Variants in KCNQ1 observed in about 807,000 individuals in gnomAD.
The protein encoded by KCNQ1 is potassium voltage-gated channel subfamily KQT member 1.
A neutral mutation model predicts 72.4 loss-of-function variants in KCNQ1; 49 were observed. The ratio of observed to expected loss-of-function variants is 0.68; its 90% CI spans 0.54 to 0.86. The LOEUF is 0.86. Among genes scored for constraint, KCNQ1 ranks in the 40% least tolerant of loss-of-function variants. The pLI, the probability that KCNQ1 is intolerant of heterozygous loss-of-function variation, is 0.00. For missense variants in KCNQ1, 790 were observed against 945.1 expected (o/e 0.84, Z 2.15); for synonymous variants, 450 against 412.6 (o/e 1.09, Z -1.10).
intron 11 of KCNQ1, chr11:2,694,778 T>C (rs917016340): frequency 5.0e-6 from 2 of 398,158 alleles, no homozygotes; most frequent in Non-Finnish European, 8.8e-6. Context: ...GCCTGTGCTT[T>C]GCAGAGACTC....
chr11:2,665,818 T>C (rs1168177563), intron 11 of KCNQ1: 13 of 398,396 alleles, frequency 3.3e-5, no homozygotes, highest in South Asian at 1.3e-4. Context: ...GCAGACACAT[T>C]GTGCCAGTGC....
intron 11 of KCNQ1, among the ~76,000 whole-genome samples, chr11:2,754,903 G>A (rs1846276559): frequency 6.6e-6 from 1 of 152,172 alleles, no homozygotes; most frequent in Admixed American, 6.5e-5. Context: ...CTTAAAGAAC[G>A]TGACAAGTTG....
chr11:2,517,096 G>A (rs368323462), intron 1 of KCNQ1, among the ~76,000 whole-genome samples: 1 of 152,298 alleles, frequency 6.6e-6, no homozygotes, highest in South Asian at 2.1e-4. Context: ...AGGTGTGGTC[G>A]AGGGCCCTGG....
intron 10 of KCNQ1, chr11:2,619,822 C>T (rs1297147402): frequency 2.5e-6 from 1 of 397,130 alleles, no homozygotes; most frequent in Non-Finnish European, 4.4e-6. Context: ...GCTATCTGGT[C>T]CTGGGCTTTT....
Position 2,549,201 on chromosome 11 carries a change from G to A in KCNQ1, c.477+21183G>A, listed in dbSNP as rs564624579. Reference sequence around the variant, plus strand: ...CCATGTGGCTTTAGGTCCCCAGCACGTGCTAGTGGCCATCAGCAGGCTACA... The same window carrying A: ...CCATGTGGCTTTAGGTCCCCAGCACATGCTAGTGGCCATCAGCAGGCTACA... On this transcript the variant is annotated intron_variant, in intron 2 of 15. Transcript: ENST00000155840. This position sits in a 1 kb window ranked among gnomAD's most constrained non-coding sequence, Gnocchi z 6.2. 3.6e-4 allele frequency among the ~76,000 whole-genome samples: 55 copies of A among 152,284 alleles called. No individual in the cohort carries two copies. Among genetic ancestry groups the A allele is most frequent in the African/African-American group, 7.2e-4 (30 of 41,566 alleles).
intron 1 of KCNQ1, among the ~76,000 whole-genome samples, chr11:2,480,157 G>T (rs1265645930): frequency 2.0e-5 from 3 of 152,094 alleles, no homozygotes; most frequent in Admixed American, 6.5e-5. Flanking sequence ...ACATTTTCTT[G>T]TCATCTTCTG....
rs534463312 is a variant in KCNQ1, at chr11:2,463,024, G to A, written c.386+17540G>A. ...GTAAGCGGGGCAGCGGCGGCAGGGG[G>A]CCCAGGGAAGTGGGGCCAGTCGGGG... On this transcript the variant is annotated intron_variant, in intron 1 of 15. Coordinates refer to ENST00000155840, the MANE Select transcript of KCNQ1 (RefSeq NM_000218.3). The surrounding 1 kb of genome is among the most constrained non-coding windows in gnomAD (Gnocchi z 7.0). 6.6e-6 allele frequency among the ~76,000 whole-genome samples: 1 copy of A among 152,158 alleles called. No homozygotes were observed. The highest frequency in any genetic ancestry group is 1.5e-5 in the Non-Finnish European group (1 of 68,026).
In KCNQ1 at chr11:2,712,627, C is replaced by A. The variant is rs1432295955; in HGVS notation, c.1514+50546C>A. 6.6e-6 allele frequency among the ~76,000 whole-genome samples: 1 copy of A among 152,184 alleles called. No individual in the cohort carries two copies. The highest frequency in any genetic ancestry group is 1.5e-5 in the Non-Finnish European group (1 of 68,024). Reference sequence around the variant, plus strand: ...AGGAGACTTAGGGGCTTCCATATTCCCCTTGGAACATGAAGAAGGGGCTGG... The same window carrying A: ...AGGAGACTTAGGGGCTTCCATATTCACCTTGGAACATGAAGAAGGGGCTGG... On this transcript the variant is annotated intron_variant, in intron 11 of 15. Transcript: ENST00000155840. This position sits in a 1 kb window ranked among gnomAD's most constrained non-coding sequence, Gnocchi z 6.4.
chr11:2,526,989 T>C lies in KCNQ1; in HGVS notation c.387-939T>C, dbSNP rs1181800074. Among the ~76,000 whole-genome samples the C allele has an allele frequency of 6.6e-6, 1 of 151,680 alleles. No homozygotes were observed. Among genetic ancestry groups the C allele is most frequent in the Non-Finnish European group, 1.5e-5 (1 of 67,904 alleles). On this transcript the variant is annotated intron_variant, in intron 1 of 15. Coordinates refer to ENST00000155840, the MANE Select transcript of KCNQ1 (RefSeq NM_000218.3). This position sits in a 1 kb window ranked among gnomAD's most constrained non-coding sequence, Gnocchi z 6.1. ...TGAGGATCCACGGGGGTCCCTGGAG[T>C]CTCCGGAGCCCGTGGGAATCCCCCT...
chr11:2,622,972 T>G (rs1849199789), intron 10 of KCNQ1: 6 of 398,658 alleles, frequency 1.5e-5, no homozygotes, highest in Admixed American at 4.4e-5. Flanking sequence ...TTGATATGGT[T>G]TGGCTCTGTG....
intron 7 of KCNQ1, among the ~76,000 whole-genome samples, chr11:2,583,998 G>A (rs1564824524): frequency 6.6e-6 from 1 of 152,140 alleles, no homozygotes; most frequent in Non-Finnish European, 1.5e-5. Context: ...GTGTGTGTGT[G>A]TGTTATGTGC....
At chr11:2,469,275 T>C (rs1191817358) in intron 1 of KCNQ1, among the ~76,000 whole-genome samples, 1 of 152,100 alleles carries the variant, frequency 6.6e-6, no homozygotes, top group African/African-American at 2.4e-5. Flanking sequence ...TTTTTTTTTT[T>C]TCTTTATTTT....
Position 2,760,698 on chromosome 11 carries a change from G to T in KCNQ1, c.1515-8146G>T, listed in dbSNP as rs571723607. On this transcript the variant is annotated intron_variant, in intron 11 of 15. Transcript: ENST00000155840. ...GGTCACTTCCTTCACGGCCCAGTGA[G>T]CCCAAGGCCTCCGTCCTGCCCCCTG... Among the ~76,000 whole-genome samples, 4 of 152,316 alleles carry T rather than the reference G, an allele frequency of 2.6e-5. No homozygotes were observed. The East Asian group carries it at 7.7e-4, about 29-fold the overall frequency.
At position 2,776,873 on chromosome 11, in the gene KCNQ1, G is replaced by C. The variant is rs886435392; in HGVS notation, c.1686-113G>C. On this transcript the variant is annotated intron_variant, in intron 13 of 15. Transcript: ENST00000155840. ...AGGGTCGGGGGTGTCCCCAGAGTGG[G>C]TGGACAGTCCACTGTCTTGCCGGGC... is the stretch of plus-strand genomic sequence containing the variant. The C allele has an allele frequency of 4.4e-5, 47 of 1,056,406 alleles. No homozygotes were observed. In the Admixed American group the frequency reaches 8.8e-4, roughly 20 times the overall value. 65.4% of individuals were successfully genotyped at this position (1,056,406 alleles called of 1,614,324 possible). A position where few individuals can be genotyped will look rare whatever the true frequency, so the allele number is the denominator to read the frequency against.
chr11:2,628,497 GT>G (rs1376595889), intron 10 of KCNQ1: 2 of 398,232 alleles, frequency 5.0e-6, no homozygotes, highest in South Asian at 1.3e-4. Flanking sequence ...GGGTTATTAA[GT>G]TTTTTTGCTA....
At position 2,818,742 on chromosome 11, in the gene KCNQ1, C is replaced by T. The variant is rs1054886604; in HGVS notation, c.1795-29025C>T. 2.6e-5 allele frequency among the ~76,000 whole-genome samples: 4 copies of T among 152,040 alleles called. No individual in the cohort carries two copies. The highest frequency in any genetic ancestry group is 1.3e-4 in the Admixed American group (2 of 15,268). ...CCTACCCTAGTCTGATGACCCAGGCCTTTCCCCCTGCCCAGGCTAGCCTTG... is the reference window on the plus strand; with the variant it reads ...CCTACCCTAGTCTGATGACCCAGGCTTTTCCCCCTGCCCAGGCTAGCCTTG... On this transcript the variant is annotated intron_variant, in intron 15 of 15. Transcript: ENST00000155840. The surrounding 1 kb of genome is among the most constrained non-coding windows in gnomAD (Gnocchi z 7.2).
intron 15 of KCNQ1, among the ~76,000 whole-genome samples, chr11:2,838,289 G>A (rs1286841459): frequency 6.6e-6 from 1 of 152,182 alleles, no homozygotes; most frequent in Non-Finnish European, 1.5e-5. Flanking sequence ...ACCTGGAGGA[G>A]TGTGAAACGG....
At chr11:2,557,795 T>TG (rs1400623143) in intron 2 of KCNQ1, among the ~76,000 whole-genome samples, 1 of 152,200 alleles carries the variant, frequency 6.6e-6, no homozygotes, top group Non-Finnish European at 1.5e-5. Flanking sequence ...AGAGCCCAGG[T>TG]TCAGTTGGGG....
intron 11 of KCNQ1, among the ~76,000 whole-genome samples, chr11:2,732,726 C>T (rs1011210274): frequency 2.0e-5 from 3 of 152,242 alleles, no homozygotes; most frequent in Admixed American, 6.5e-5. Flanking sequence ...CCGGCGCACA[C>T]AGCTCCCAGC....
Sources: allele counts gnomAD v4.1 joint callset (sites outside exome capture counted in the v4.1 genomes callset), GRCh38; gene constraint gnomAD v4.1.1; non-coding constraint Gnocchi (gnomAD v3.1); transcripts MANE v1.5; gene names NCBI Gene and HGNC (gene_info 2026-07-23, HGNC 2026-07-21).